Variants in KAZN observed in about 807,000 individuals in gnomAD.
KAZN encodes kazrin, periplakin interacting protein.
A neutral mutation model predicts 87.4 loss-of-function variants in KAZN; 40 were observed. That is an observed-to-expected ratio of 0.46 (90% CI 0.36 to 0.60). KAZN has a LOEUF of 0.60. KAZN is among the 20% of genes least tolerant of loss of function. The pLI, the probability that KAZN is intolerant of heterozygous loss-of-function variation, is 0.00. For missense variants in KAZN, 898 were observed against 1,073.9 expected (o/e 0.84, Z 2.29); for synonymous variants, 466 against 458.3 (o/e 1.02, Z -0.22).
intron 1 of KAZN, among the ~76,000 whole-genome samples, chr1:14,177,028 C>T (rs911827717): frequency 1.5e-4 from 23 of 151,950 alleles, no homozygotes; most frequent in Admixed American, 3.9e-4. Context: ...TGTGGTGGTG[C>T]GTGCCTGTAG....
chr1:14,197,621 G>A (rs1209769139), intron 2 of KAZN, among the ~76,000 whole-genome samples: 1 of 152,164 alleles, frequency 6.6e-6, no homozygotes, highest in Non-Finnish European at 1.5e-5. Flanking sequence ...CCAGGAGGCA[G>A]AGGTTGCAGT....
chr1:15,064,208 G>A (rs1230205634), intron 7 of KAZN, among the ~76,000 whole-genome samples: 1 of 152,116 alleles, frequency 6.6e-6, no homozygotes, highest in African/African-American at 2.4e-5. Context: ...TGAATTTGAG[G>A]GTCTGCAGGG....
At chr1:14,164,549 T>C (rs1371202860) in intron 1 of KAZN, among the ~76,000 whole-genome samples, 1 of 148,178 alleles carries the variant, frequency 6.7e-6, no homozygotes, top group Non-Finnish European at 1.5e-5. Flanking sequence ...TTTTTTTTTT[T>C]TTTTTTTTGA....
intron 8 of KAZN, among the ~76,000 whole-genome samples, chr1:15,089,834 G>T (rs1450119351): frequency 1.3e-5 from 2 of 150,916 alleles, no homozygotes; most frequent in Admixed American, 6.6e-5. Flanking sequence ...GTTGGCATCA[G>T]TTCATTGGTG....
intron 2 of KAZN, among the ~76,000 whole-genome samples, chr1:14,256,129 A>G (rs1335034444): frequency 2.0e-5 from 3 of 152,278 alleles, no homozygotes; most frequent in Non-Finnish European, 2.9e-5. Flanking sequence ...AAAACCTATT[A>G]CTAAGTTCTT....
In KAZN at chr1:15,094,341, C is replaced by T. The variant is rs1640703342; in HGVS notation, c.1384C>T (p.Pro462Ser). 1 of 1,613,888 alleles carries T rather than the reference C, an allele frequency of 6.2e-7. No homozygotes were observed. The highest frequency in any genetic ancestry group is 1.7e-5 in the Admixed American group (1 of 60,002). ...QAWLEVVMAMPMYVKACTENV... is the reference protein window; with the variant it reads ...QAWLEVVMAMSMYVKACTENV... ...CTGGCTGGAGGTGGTGATGGCCATG[C>T]CTATGTACGTCAAGGCCTGCACGGA... The change falls in exon 9 of 15, where the codon CCT becomes TCT. Residue 462 changes from proline to serine, a missense_variant. By Grantham distance (74) the Pro-to-Ser change is moderately conservative (BLOSUM62 -1). Transcript: ENST00000376030. This position sits in a 1 kb window ranked among gnomAD's most constrained non-coding sequence, Gnocchi z 4.5.
intron 1 of KAZN, among the ~76,000 whole-genome samples, chr1:13,955,092 C>T (rs966588209): frequency 6.6e-6 from 1 of 152,146 alleles, no homozygotes; most frequent in African/African-American, 2.4e-5. Flanking sequence ...GTCATTTTTG[C>T]ATACCTGCAC....
At chr1:13,961,154 G>T (rs12043481) in intron 1 of KAZN, among the ~76,000 whole-genome samples, 10,456 of 152,018 alleles carry the variant, frequency 0.069, 534 homozygotes, top group East Asian at 0.29. Flanking sequence ...AACTTATAAT[G>T]TAGTGTAATG....
At chr1:14,193,661 G>GTTT (rs35505020) in intron 2 of KAZN, among the ~76,000 whole-genome samples, 10 of 140,606 alleles carry the variant, frequency 7.1e-5, no homozygotes, top group African/African-American at 2.3e-4. Context: ...AGACTAAGGT[G>GTTT]TTTTTTTTTT....
chr1:14,603,077 G>A (rs1432479748), intron 1 of KAZN, among the ~76,000 whole-genome samples: 3 of 152,204 alleles, frequency 2.0e-5, no homozygotes, highest in Non-Finnish European at 4.4e-5. Context: ...AAACTCTTTC[G>A]TGAAGTATAA....
chr1:15,048,430 G>A (rs1317390645), intron 4 of KAZN, among the ~76,000 whole-genome samples: 2 of 152,056 alleles, frequency 1.3e-5, no homozygotes, highest in Admixed American at 6.5e-5. Flanking sequence ...GTATGTGTGT[G>A]TGTGTGTGTA....
intron 2 of KAZN, among the ~76,000 whole-genome samples, chr1:14,227,360 T>A (rs572559129): frequency 2.6e-5 from 4 of 152,072 alleles, no homozygotes; most frequent in Non-Finnish European, 4.4e-5. Context: ...TGGGGCCTCT[T>A]TGGGGATGGG....
At chr1:13,954,479 TG>T (rs1230828134) in intron 1 of KAZN, among the ~76,000 whole-genome samples, 4 of 152,244 alleles carry the variant, frequency 2.6e-5, no homozygotes, top group Non-Finnish European at 5.9e-5. Flanking sequence ...CTGTGGTCTG[TG>T]TATGAGTGCA....
At chr1:14,294,302 T>A (rs1653948050) in intron 2 of KAZN, among the ~76,000 whole-genome samples, 1 of 152,136 alleles carries the variant, frequency 6.6e-6, no homozygotes, top group African/African-American at 2.4e-5. Context: ...GACCTGCTTT[T>A]CCCTACTCAC....
chr1:13,925,466 T>A (rs531186826), intron 1 of KAZN, among the ~76,000 whole-genome samples: 1 of 152,234 alleles, frequency 6.6e-6, no homozygotes, highest in African/African-American at 2.4e-5. Context: ...GGCAAAGATC[T>A]GAAAGAGATG....
At chr1:14,431,165 G>T (rs1466686711) in intron 2 of KAZN, among the ~76,000 whole-genome samples, 3 of 152,152 alleles carry the variant, frequency 2.0e-5, no homozygotes, top group Non-Finnish European at 4.4e-5. Flanking sequence ...TCTGAATTTG[G>T]CAATAATATT....
chr1:14,249,382 T>C (rs1649801211), intron 2 of KAZN, among the ~76,000 whole-genome samples: 1 of 152,256 alleles, frequency 6.6e-6, no homozygotes, highest in African/African-American at 2.4e-5. Flanking sequence ...AGAGATTGAA[T>C]TATTCAGAGA....
chr1:13,969,673 C>T (rs1188702265), intron 1 of KAZN, among the ~76,000 whole-genome samples: 2 of 152,200 alleles, frequency 1.3e-5, no homozygotes, highest in African/African-American at 4.8e-5. Context: ...TTCCCCAACT[C>T]TTTGTGGCAC....
chr1:14,247,684 G>T (rs965779784), intron 2 of KAZN, among the ~76,000 whole-genome samples: 1 of 152,222 alleles, frequency 6.6e-6, no homozygotes, highest in African/African-American at 2.4e-5. Context: ...TTCAAGGTGT[G>T]CACATAGTCT....
Sources: allele counts gnomAD v4.1 joint callset (sites outside exome capture counted in the v4.1 genomes callset), GRCh38; gene constraint gnomAD v4.1.1; non-coding constraint Gnocchi (gnomAD v3.1); transcripts MANE v1.5; gene names NCBI Gene and HGNC (gene_info 2026-07-23, HGNC 2026-07-21).